Variants in NALCN observed in about 807,000 individuals in gnomAD.
The protein encoded by NALCN is sodium leak channel NALCN.
NALCN carries 111 observed loss-of-function variants against 225.3 expected under a neutral mutation model. The observed-to-expected ratio is 0.49, with a 90% CI of 0.42 to 0.58. NALCN has a LOEUF of 0.58. NALCN is among the 20% of genes least tolerant of loss of function. The pLI, the probability that NALCN is intolerant of heterozygous loss-of-function variation, is 0.00. For synonymous variants in NALCN, 764 were observed against 769.0 expected, an observed-to-expected ratio of 0.99 and a Z score of 0.11; for missense variants, 1,378 against 2,202.4, an observed-to-expected ratio of 0.63 and a Z score of 7.49.
intron 9 of NALCN, among the ~76,000 whole-genome samples, chr13:101,285,976 AT>A (rs887264212): frequency 7.2e-5 from 11 of 151,754 alleles, no homozygotes; most frequent in African/African-American, 2.2e-4. Context: ...TCTCTCTTAA[AT>A]TTTTTTTTCA....
intron 36 of NALCN, 47 bp downstream of exon 36, chr13:101,074,467 C>T (rs2139470578): frequency 6.9e-7 from 1 of 1,446,192 alleles, no homozygotes; most frequent in South Asian, 1.7e-5. Context: ...ATTTTATTAC[C>T]AAAGGGTTTG....
intron 11 of NALCN, among the ~76,000 whole-genome samples, chr13:101,257,069 C>T (rs182823505): frequency 5.4e-4 from 82 of 152,276 alleles, no homozygotes; most frequent in African/African-American, 1.9e-3. Context: ...GACCTTCTCT[C>T]TGCTTTTATT....
chr13:101,373,356 T>G (rs182013115), intron 6 of NALCN, among the ~76,000 whole-genome samples: 2 of 152,240 alleles, frequency 1.3e-5, no homozygotes, highest in African/African-American at 4.8e-5. Context: ...TATTTCAATT[T>G]AAAAAACCTA....
At chr13:101,341,643 T>C (rs961679215) in intron 7 of NALCN, among the ~76,000 whole-genome samples, 1 of 152,246 alleles carries the variant, frequency 6.6e-6, no homozygotes, top group Non-Finnish European at 1.5e-5. Flanking sequence ...TTTATAGATG[T>C]GGTCCTCATT....
chr13:101,180,890 C>T (rs2139960440), intron 14 of NALCN: 1 of 363,564 alleles, frequency 2.8e-6, no homozygotes, highest in South Asian at 2.1e-5. Flanking sequence ...TCCCAGAAAT[C>T]AGTCTTATTT....
chr13:101,229,638 GAATCTT>G, intron 12 of NALCN, 54 bp from the exon 13 acceptor site: 1 of 1,336,418 alleles, frequency 7.5e-7, no homozygotes, highest in Non-Finnish European at 9.9e-7. Context: ...TATTTACACT[GAATCTT>G]AAATATATTC....
At chr13:101,057,809 C>T (rs2031445298) in intron 43 of NALCN, 130 bp downstream of exon 43, 1 of 770,268 alleles carries the variant, frequency 1.3e-6, no homozygotes, top group Non-Finnish European at 2.3e-6. Flanking sequence ...CTACATTTTT[C>T]ATTATGTTGC....
At chr13:101,385,378 C>T (rs189435248) in intron 3 of NALCN, among the ~76,000 whole-genome samples, 339 of 152,158 alleles carry the variant, frequency 2.2e-3, no homozygotes, top group Non-Finnish European at 3.9e-3. Context: ...AGTTTTGGTC[C>T]TTTTCTTTTT....
At chr13:101,086,542 A>G (rs2033941009) in intron 30 of NALCN, among the ~76,000 whole-genome samples, 1 of 151,968 alleles carries the variant, frequency 6.6e-6, no homozygotes, top group Non-Finnish European at 1.5e-5. Context: ...TTCTTGGGTA[A>G]TTATGGCCTT....
chr13:101,165,166 G>T (rs749935691), intron 15 of NALCN, among the ~76,000 whole-genome samples: 30 of 152,142 alleles, frequency 2.0e-4, no homozygotes, highest in Non-Finnish European at 3.5e-4. Context: ...CAAAAGGTTG[G>T]GTAGCACTGT....
At chr13:101,334,058 C>T (rs1452727463) in intron 7 of NALCN, among the ~76,000 whole-genome samples, 1 of 151,910 alleles carries the variant, frequency 6.6e-6, no homozygotes, top group Non-Finnish European at 1.5e-5. Flanking sequence ...AAGTATATAC[C>T]GAGTTCAATG....
chr13:101,062,434 G>T (rs929988277), intron 40 of NALCN, among the ~76,000 whole-genome samples: 1 of 151,992 alleles, frequency 6.6e-6, no homozygotes, highest in Non-Finnish European at 1.5e-5. Context: ...CTAGGAAAAG[G>T]CTCGCGACTT....
intron 41 of NALCN, among the ~76,000 whole-genome samples, chr13:101,061,547 A>G (rs990947173): frequency 3.9e-5 from 6 of 151,966 alleles, no homozygotes; most frequent in African/African-American, 1.5e-4. Flanking sequence ...CGCCTGGTTA[A>G]TTTTTGTATT....
At chr13:101,076,898 C>T (rs74116996) in intron 34 of NALCN, among the ~76,000 whole-genome samples, 2,167 of 152,214 alleles carry the variant, frequency 0.014, 50 homozygotes, top group African/African-American at 0.04. Context: ...GGTTGCATTT[C>T]GATATGGTTT....
chr13:101,398,746 G>A (rs561337136), intron 2 of NALCN, among the ~76,000 whole-genome samples: 3 of 152,160 alleles, frequency 2.0e-5, no homozygotes, highest in African/African-American at 4.8e-5. Flanking sequence ...CCTAAGAAGT[G>A]GTATCATCTC....
chr13:101,168,936 A>G (rs184097973), intron 15 of NALCN, among the ~76,000 whole-genome samples: 1 of 152,250 alleles, frequency 6.6e-6, no homozygotes, highest in East Asian at 1.9e-4. Flanking sequence ...CCTTCATGCC[A>G]TCTTCCTCCA....
intron 42 of NALCN, chr13:101,058,329 G>T: frequency 3.2e-6 from 1 of 317,188 alleles, no homozygotes; most frequent in South Asian, 5.7e-5. Flanking sequence ...GCCTGAGAAT[G>T]TCATTGTTTC....
intron 17 of NALCN, among the ~76,000 whole-genome samples, chr13:101,132,142 G>T (rs548093242): frequency 3.3e-5 from 5 of 151,564 alleles, no homozygotes; most frequent in Admixed American, 3.3e-4. Flanking sequence ...TTCATTCAGG[G>T]CTAAATTTTT....
intron 41 of NALCN, among the ~76,000 whole-genome samples, chr13:101,060,269 T>TTG (rs2031754127): frequency 8.2e-6 from 1 of 122,144 alleles, no homozygotes; most frequent in Non-Finnish European, 1.6e-5. Context: ...GTTGTTGGTG[T>TTG]TTTCTGTTTT....
Sources: gnomAD v4.1 joint callset for allele counts (sites outside exome capture counted in the v4.1 genomes callset) on GRCh38, gnomAD v4.1.1 for gene constraint, MANE v1.5 for transcripts, NCBI Gene and HGNC (gene_info 2026-07-23, HGNC 2026-07-21) for gene names.